Variants in NEMP2 observed in about 807,000 individuals in gnomAD.
NEMP2 encodes the protein nuclear envelope integral membrane protein 2, also known as UPF0571 transmembrane protein.
Under a neutral mutation model 54.2 loss-of-function variants are expected in NEMP2, and 53 were observed. The observed-to-expected ratio is 0.98, with a 90% CI of 0.78 to 1.23. The LOEUF (loss-of-function observed/expected upper bound fraction) is 1.23, where lower values mean the gene tolerates loss of function less well. Among genes scored for constraint, NEMP2 ranks in the 50% most tolerant of loss-of-function variants. The pLI, the probability that NEMP2 is intolerant of heterozygous loss-of-function variation, is 0.00. For synonymous variants in NEMP2, 197 were observed against 190.3 expected (o/e 1.04, Z -0.29); for missense variants, 455 against 511.3 (o/e 0.89, Z 1.06).
chr2:190,620,736 T>G, the NEMP2 span, among the ~76,000 whole-genome samples: 2 of 152,214 alleles, frequency 1.3e-5, no homozygotes, highest in Non-Finnish European at 2.9e-5. This position sits in a 1 kb window ranked among gnomAD's most constrained non-coding sequence, Gnocchi z 4.9. Context: ...GTTACTTTTA[T>G]TCAACACTGT....
chr2:190,552,544 G>T, the NEMP2 span, among the ~76,000 whole-genome samples: 9 of 152,010 alleles, frequency 5.9e-5, no homozygotes. Context: ...AACATACCAA[G>T]ACCCCATCTC....
At chr2:190,438,918 C>T in the NEMP2 span, among the ~76,000 whole-genome samples, 4 of 152,158 alleles carry the variant, frequency 2.6e-5, no homozygotes, top group African/African-American at 4.8e-5. The surrounding 1 kb of genome is among the most constrained non-coding windows in gnomAD (Gnocchi z 5.2). Context: ...GGTTTTGCTT[C>T]GGGAGGTGGT....
the NEMP2 span, chr2:190,436,520 G>A: frequency 7.4e-6 from 12 of 1,613,982 alleles, no homozygotes; most frequent in East Asian, 4.5e-5. The surrounding 1 kb of genome is among the most constrained non-coding windows in gnomAD (Gnocchi z 5.3). Context: ...CCAAAGATTC[G>A]CCCAACAACT....
Position 190,506,737 on chromosome 2 carries a change from TC to T in NEMP2, c.*2451del, listed in dbSNP as rs1690197703. 1 of 152,238 alleles carries T rather than the reference TC, an allele frequency of 6.6e-6. No homozygotes were observed. The highest frequency in any genetic ancestry group is 1.5e-5 in the Non-Finnish European group (1 of 68,040). The allele number at this position is 152,238 out of a possible 1,614,324, so 9.4% of individuals were successfully genotyped here. A position where few individuals can be genotyped will look rare whatever the true frequency, so the allele number is the denominator to read the frequency against. On this transcript the variant is annotated 3_prime_UTR_variant, in exon 9 of 9. Coordinates refer to ENST00000409150, the MANE Select transcript of NEMP2 (RefSeq NM_001142645.2). The surrounding 1 kb of genome is among the most constrained non-coding windows in gnomAD (Gnocchi z 6.3). ...TAAGCATAGCCACCTACACTATATC[TC>T]ACCCACACATCTGGTGTCAAAGAGT...
At chr2:190,596,025 T>TA in the NEMP2 span, among the ~76,000 whole-genome samples, 2 of 151,980 alleles carry the variant, frequency 1.3e-5, no homozygotes, top group South Asian at 4.2e-4. This position sits in a 1 kb window ranked among gnomAD's most constrained non-coding sequence, Gnocchi z 5.1. Flanking sequence ...ATAGACTAGA[T>TA]AAAGAAAATG....
the NEMP2 span, among the ~76,000 whole-genome samples, chr2:190,598,020 A>G: frequency 6.6e-6 from 1 of 152,148 alleles, no homozygotes; most frequent in African/African-American, 2.4e-5. Context: ...TTGGGGACAG[A>G]TTCCTCTTCA....
the NEMP2 span, among the ~76,000 whole-genome samples, chr2:190,549,939 C>T: frequency 2.8e-4 from 42 of 152,260 alleles, no homozygotes; most frequent in East Asian, 7.7e-3. Flanking sequence ...TTTTCAGTAG[C>T]AGAACTAGAA....
chr2:190,554,555 C>T, the NEMP2 span, among the ~76,000 whole-genome samples: 18 of 152,306 alleles, frequency 1.2e-4, no homozygotes, highest in Admixed American at 3.9e-4. The surrounding 1 kb of genome is among the most constrained non-coding windows in gnomAD (Gnocchi z 5.7). Context: ...TCAAACTGGG[C>T]GGAGCCCACT....
rs550711313 is a variant in NEMP2 at position 190,533,782 on chromosome 2, A to G, written c.97+777T>C. Among the ~76,000 whole-genome samples, 1 of 151,896 alleles carries G rather than the reference A, an allele frequency of 6.6e-6. No homozygotes were observed. Among genetic ancestry groups the G allele is most frequent in the East Asian group, 1.9e-4 (1 of 5,176 alleles). On this transcript the variant is annotated intron_variant, in intron 1 of 8. Coordinates refer to ENST00000409150, the MANE Select transcript of NEMP2 (RefSeq NM_001142645.2). The surrounding 1 kb of genome is among the most constrained non-coding windows in gnomAD (Gnocchi z 4.3). ...AAAAGATTTTATGAGGGGAAAAAAAAAAAGAAACAGAAATGTGAAGCTCAT... is the reference window on the plus strand; with the variant it reads ...AAAAGATTTTATGAGGGGAAAAAAAGAAAGAAACAGAAATGTGAAGCTCAT...
chr2:190,448,480 G>T, the NEMP2 span, among the ~76,000 whole-genome samples: 2 of 152,168 alleles, frequency 1.3e-5, no homozygotes, highest in South Asian at 2.1e-4. Context: ...TAATGCAGGG[G>T]TTAAAAGAAA....
At chr2:190,446,623 C>G in the NEMP2 span, among the ~76,000 whole-genome samples, 1 of 152,136 alleles carries the variant, frequency 6.6e-6, no homozygotes, top group Non-Finnish European at 1.5e-5. Context: ...AAGGCACATT[C>G]ATTTATAAAG....
At chr2:190,436,981 G>C in the NEMP2 span, 6 of 1,614,216 alleles carry the variant, frequency 3.7e-6, no homozygotes, top group Non-Finnish European at 5.1e-6. This position sits in a 1 kb window ranked among gnomAD's most constrained non-coding sequence, Gnocchi z 5.3. Context: ...CCAGTATCTG[G>C]GAAAACACAG....
chr2:190,549,898 GTTCTA>G, the NEMP2 span, among the ~76,000 whole-genome samples: 1 of 152,266 alleles, frequency 6.6e-6, no homozygotes, highest in Admixed American at 6.5e-5. Context: ...TTAATGCTTG[GTTCTA>G]CCTGGTTGGT....
the NEMP2 span, among the ~76,000 whole-genome samples, chr2:190,449,169 T>C: frequency 1.3e-5 from 2 of 152,156 alleles, no homozygotes; most frequent in Non-Finnish European, 2.9e-5. Flanking sequence ...CAGGTGCAAA[T>C]GCATAGTATG....
chr2:190,616,828 G>C, the NEMP2 span: 1 of 151,834 alleles, frequency 6.6e-6, no homozygotes, highest in Admixed American at 6.6e-5. The surrounding 1 kb of genome is among the most constrained non-coding windows in gnomAD (Gnocchi z 5.1). Context: ...GAATATTTAG[G>C]CCAGGTGTTG....
rs370534916 is a variant in NEMP2, at chr2:190,530,569, C to T, written c.97+3990G>A. Among the ~76,000 whole-genome samples, 1 of 152,312 alleles carries T rather than the reference C, an allele frequency of 6.6e-6. No homozygotes were observed. The highest frequency in any genetic ancestry group is 1.5e-5 in the Non-Finnish European group (1 of 68,028). The stretch of plus-strand genomic sequence containing the variant: ...GGCCCACTGTTCTCTCTAGAGAGAA[C>T]AGATCTTCCAATCTTAGATTGATTA... On this transcript the variant is annotated intron_variant, in intron 1 of 8. Coordinates refer to ENST00000409150, the MANE Select transcript of NEMP2 (RefSeq NM_001142645.2). This position sits in a 1 kb window ranked among gnomAD's most constrained non-coding sequence, Gnocchi z 4.6.
At chr2:190,561,066 T>C in the NEMP2 span, among the ~76,000 whole-genome samples, 6 of 152,222 alleles carry the variant, frequency 3.9e-5, no homozygotes, top group South Asian at 1.0e-3. The surrounding 1 kb of genome is among the most constrained non-coding windows in gnomAD (Gnocchi z 5.4). Context: ...CTAGGAGAGA[T>C]ATGGAGCAGT....
the NEMP2 span, among the ~76,000 whole-genome samples, chr2:190,474,744 C>G: frequency 6.6e-6 from 1 of 152,168 alleles, no homozygotes; most frequent in African/African-American, 2.4e-5. Flanking sequence ...GATACCAAAG[C>G]CTGGCACAGA....
chr2:190,470,642 C>T, the NEMP2 span, among the ~76,000 whole-genome samples: 6 of 152,234 alleles, frequency 3.9e-5, no homozygotes, highest in African/African-American at 9.6e-5. Flanking sequence ...TGATTATATA[C>T]GATTTCATTA....
Sources: allele counts gnomAD v4.1 joint callset (sites outside exome capture counted in the v4.1 genomes callset), GRCh38; gene constraint gnomAD v4.1.1; non-coding constraint Gnocchi (gnomAD v3.1); transcripts MANE v1.5; gene names NCBI Gene and HGNC (gene_info 2026-07-23, HGNC 2026-07-21).